Variants in CRACDL observed in about 807,000 individuals in gnomAD.
CRACDL encodes CRACD-like protein.
CRACDL carries 26 observed loss-of-function variants against 70.6 expected under a neutral mutation model. That is an observed-to-expected ratio of 0.37 (90% CI 0.27 to 0.51). CRACDL has a LOEUF of 0.51. CRACDL is among the 20% of genes least tolerant of loss of function. The probability of loss-of-function intolerance (pLI) is 0.94; values close to 1 mark genes in which losing one functional copy is unlikely to be tolerated. For synonymous variants in CRACDL, 618 were observed against 615.2 expected, an observed-to-expected ratio of 1.00 and a Z score of -0.07; for missense variants, 1,283 against 1,376.9, an observed-to-expected ratio of 0.93 and a Z score of 1.08.
At chr2:98,864,632 C>T (rs866425924) in intron 1 of CRACDL, among the ~76,000 whole-genome samples, 2 of 151,930 alleles carry the variant, frequency 1.3e-5, no homozygotes, top group South Asian at 2.1e-4. Context: ...CTGCAACCTC[C>T]GCCTCCTAGG....
intron 1 of CRACDL, among the ~76,000 whole-genome samples, chr2:98,856,464 G>A (rs1035940972): frequency 6.6e-6 from 1 of 151,520 alleles, no homozygotes; most frequent in Non-Finnish European, 1.5e-5. Flanking sequence ...AATATTAAAG[G>A]AAGTTCTTCT....
chr2:98,823,509 A>T lies in CRACDL; in HGVS notation c.764T>A (p.Leu255Gln). 1.3e-6 allele frequency: 2 copies of T among 1,591,020 alleles called. No individual in the cohort carries two copies. Among genetic ancestry groups the T allele is most frequent in the Non-Finnish European group, 1.7e-6 (2 of 1,176,276 alleles). ...SRAQSESLSD[L>Q]TCTPEEEENE... ...TTCCTCCTCCTCTGGGGTGCACGTCAGGTCGCTCAGGGATTCAGACTGAGC... is the reference window on the plus strand; with the variant it reads ...TTCCTCCTCCTCTGGGGTGCACGTCTGGTCGCTCAGGGATTCAGACTGAGC... The change falls in exon 7 of 10, where the codon CTG becomes CAG. Residue 255 changes from leucine to glutamine, a missense_variant. Transcript: ENST00000397899. This position sits in a 1 kb window ranked among gnomAD's most constrained non-coding sequence, Gnocchi z 4.0.
intron 1 of CRACDL, among the ~76,000 whole-genome samples, chr2:98,916,565 T>C (rs1708672276): frequency 6.6e-6 from 1 of 152,206 alleles, no homozygotes; most frequent in Non-Finnish European, 1.5e-5. Flanking sequence ...CCCATAATTC[T>C]ATCACAGCTA....
At chr2:98,813,423 ACT>A (rs1304410818) in intron 7 of CRACDL, among the ~76,000 whole-genome samples, 1 of 151,978 alleles carries the variant, frequency 6.6e-6, no homozygotes, top group Non-Finnish European at 1.5e-5. Flanking sequence ...CAAGAGCAAG[ACT>A]CTGTCTTAAA....
At chr2:98,919,946 GTC>G (rs1459791989) in intron 1 of CRACDL, among the ~76,000 whole-genome samples, 1 of 152,102 alleles carries the variant, frequency 6.6e-6, no homozygotes, top group Non-Finnish European at 1.5e-5. Flanking sequence ...TAGAGATGGG[GTC>G]TCTCTCTGTT....
chr2:98,807,693 C>T (rs531069785), intron 7 of CRACDL, among the ~76,000 whole-genome samples: 62 of 152,320 alleles, frequency 4.1e-4, no homozygotes, highest in African/African-American at 1.4e-3. Flanking sequence ...TGAAAATTAA[C>T]GCATAAAGCA....
chr2:98,821,662 C>T (rs1414587176), intron 7 of CRACDL, among the ~76,000 whole-genome samples, 195 bp downstream of exon 7: 8 of 152,248 alleles, frequency 5.3e-5, no homozygotes, highest in Admixed American at 5.2e-4. Context: ...ACATTCAAAG[C>T]CGCCCCGGGC....
chr2:98,868,150 C>T (rs973190264), intron 1 of CRACDL, among the ~76,000 whole-genome samples: 1 of 152,144 alleles, frequency 6.6e-6, no homozygotes, highest in Non-Finnish European at 1.5e-5. Context: ...CAGTACAAGG[C>T]CCTGTCTTCA....
intron 3 of CRACDL, 79 bp from the exon 4 acceptor site, chr2:98,833,076 G>A: frequency 7.6e-7 from 1 of 1,313,232 alleles, no homozygotes; most frequent in Non-Finnish European, 1.1e-6. Flanking sequence ...GAGAAAGAGG[G>A]ATGTGAGTGA....
intron 1 of CRACDL, among the ~76,000 whole-genome samples, chr2:98,875,620 C>A (rs369518766): frequency 1.3e-5 from 2 of 152,232 alleles, no homozygotes; most frequent in Non-Finnish European, 1.5e-5. Context: ...GCAGAAGAAC[C>A]GCACTCAGGA....
intron 1 of CRACDL, among the ~76,000 whole-genome samples, chr2:98,879,120 G>C (rs1707567593): frequency 6.6e-6 from 1 of 152,020 alleles, no homozygotes; most frequent in South Asian, 2.1e-4. Context: ...TCTCCCTCCT[G>C]GACTCTGAGC....
In CRACDL at chr2:98,877,473, T is replaced by C. The variant is rs77671011; in HGVS notation, c.-10-30663A>G. Among the ~76,000 whole-genome samples the C allele has an allele frequency of 3.3e-4, 51 of 152,308 alleles. No individual in the cohort carries two copies. The East Asian group carries it at 6.4e-3, about 19-fold the overall frequency. On this transcript the variant is annotated intron_variant, in intron 1 of 9. Coordinates refer to ENST00000397899, the MANE Select transcript of CRACDL (RefSeq NM_207362.3). ...AATTAGTTTTAAAAATAAATTTAGT[T>C]GGTGGCTCATGCCTGTAATCCCAGC...
At chr2:98,805,459 C>T (rs1704248067) in intron 7 of CRACDL, among the ~76,000 whole-genome samples, 1 of 152,086 alleles carries the variant, frequency 6.6e-6, no homozygotes, top group African/African-American at 2.4e-5. Flanking sequence ...AGACCCTTTC[C>T]ACCGCTTCAC....
At chr2:98,892,827 T>C (rs1252630397) in intron 1 of CRACDL, among the ~76,000 whole-genome samples, 1 of 152,222 alleles carries the variant, frequency 6.6e-6, no homozygotes, top group Non-Finnish European at 1.5e-5. Flanking sequence ...TAGCCAGTGA[T>C]AGACCCAGCT....
intron 1 of CRACDL, among the ~76,000 whole-genome samples, chr2:98,915,591 G>A (rs1019379736): frequency 2.0e-5 from 3 of 152,138 alleles, no homozygotes; most frequent in South Asian, 4.1e-4. Flanking sequence ...GGTGAAGGAC[G>A]AGAGCCACAG....
intron 1 of CRACDL, among the ~76,000 whole-genome samples, chr2:98,861,680 A>G (rs774927313): frequency 2.0e-5 from 3 of 152,188 alleles, no homozygotes; most frequent in Non-Finnish European, 4.4e-5. Flanking sequence ...CTGCTAGTGC[A>G]ATTGCACTAG....
At chr2:98,798,142 C>G (rs576860177) in intron 7 of CRACDL, among the ~76,000 whole-genome samples, 2 of 152,228 alleles carry the variant, frequency 1.3e-5, no homozygotes, top group East Asian at 1.9e-4. Flanking sequence ...GTCAGGAGTT[C>G]GAGACCAACT....
At chr2:98,835,298 G>T (rs1331518663) in intron 3 of CRACDL, among the ~76,000 whole-genome samples, 5 of 152,176 alleles carry the variant, frequency 3.3e-5, no homozygotes, top group African/African-American at 7.2e-5. Flanking sequence ...AGTAATCATC[G>T]CCCCTGGCAG....
In CRACDL at chr2:98,915,083, G is replaced by A. The variant is rs1379382485; in HGVS notation, c.-11+20855C>T. 3.3e-5 allele frequency among the ~76,000 whole-genome samples: 5 copies of A among 152,230 alleles called. No individual in the cohort carries two copies. In the East Asian group the frequency reaches 5.8e-4, roughly 18 times the overall value. ...AGTGGTTTTGAGGGGGTTGGCAAAG[G>A]CTGCTCAAAGTAGAGAAATAATGAG... On this transcript the variant is annotated intron_variant, in intron 1 of 9. Transcript: ENST00000397899.
Sources: allele counts gnomAD v4.1 joint callset (sites outside exome capture counted in the v4.1 genomes callset), GRCh38; gene constraint gnomAD v4.1.1; non-coding constraint Gnocchi (gnomAD v3.1); transcripts MANE v1.5; gene names NCBI Gene and HGNC (gene_info 2026-07-23, HGNC 2026-07-21).